Variants in DHX40 observed in about 807,000 individuals in gnomAD.
The protein encoded by DHX40 is DEAH-box helicase 40.
In DHX40, 28 loss-of-function variants were observed where a neutral mutation model predicts 89.6. The ratio of observed to expected loss-of-function variants is 0.31; its 90% CI spans 0.23 to 0.43. DHX40 has a LOEUF of 0.43. Among genes scored for constraint, DHX40 ranks in the 20% least tolerant of loss-of-function variants. The probability of loss-of-function intolerance (pLI) is 1.00; values close to 1 mark genes in which losing one functional copy is unlikely to be tolerated. For synonymous variants in DHX40, 226 were observed against 283.6 expected (o/e 0.80, Z 2.04); for missense variants, 457 against 844.0 (o/e 0.54, Z 5.68).
At chr17:59,588,995 A>C (rs1229447260) in intron 12 of DHX40, among the ~76,000 whole-genome samples, 2 of 152,068 alleles carry the variant, frequency 1.3e-5, no homozygotes, top group Non-Finnish European at 2.9e-5. Flanking sequence ...GACTATTCTT[A>C]TATGGGTCTG....
intron 10 of DHX40, among the ~76,000 whole-genome samples, chr17:59,581,709 A>T (rs1252329479): frequency 1.2e-5 from 1 of 81,072 alleles, no homozygotes; most frequent in Non-Finnish European, 2.2e-5. Flanking sequence ...CAGTGAGCCG[A>T]GATTGCGCCA....
intron 12 of DHX40, among the ~76,000 whole-genome samples, chr17:59,593,699 C>G (rs567420354): frequency 7.5e-6 from 1 of 134,012 alleles, no homozygotes; most frequent in East Asian, 2.2e-4. Flanking sequence ...GTCTCAAACT[C>G]CTGACCTCCT....
chr17:59,570,738 G>T, intron 3 of DHX40, 75 bp downstream of exon 3: 1 of 1,456,678 alleles, frequency 6.9e-7, no homozygotes, highest in Non-Finnish European at 9.2e-7. Flanking sequence ...AGCCTGGAGT[G>T]CGTGGCGCAA....
chr17:59,570,152 T>C (rs890783334), intron 2 of DHX40, among the ~76,000 whole-genome samples: 2 of 129,144 alleles, frequency 1.5e-5, no homozygotes, highest in Admixed American at 9.4e-5. Flanking sequence ...ATAAATTATA[T>C]AATACATATA....
chr17:59,587,165 A>C (rs550735109), intron 11 of DHX40, among the ~76,000 whole-genome samples: 1 of 151,922 alleles, frequency 6.6e-6, no homozygotes, highest in African/African-American at 2.4e-5. Flanking sequence ...CCAAAAAAAA[A>C]AAAACGGTAA....
At chr17:59,570,489 T>A in intron 2 of DHX40, 29 bp from the exon 3 acceptor site, 1 of 1,573,536 alleles carries the variant, frequency 6.4e-7, no homozygotes, top group African/African-American at 1.4e-5. Flanking sequence ...GCTAACATTG[T>A]TGTGTTTCTT....
intron 10 of DHX40, 34 bp from the exon 11 acceptor site, chr17:59,586,119 T>C: frequency 6.9e-7 from 1 of 1,439,756 alleles, no homozygotes; most frequent in Non-Finnish European, 9.5e-7. Flanking sequence ...GTTCAAGGAA[T>C]GCCTCTCACT....
At position 59,592,333 on chromosome 17, in the gene DHX40, C is replaced by T. The variant is rs554452074; in HGVS notation, c.1582+4280C>T. Among the ~76,000 whole-genome samples the T allele has an allele frequency of 3.1e-3, 470 of 151,450 alleles. 1 individual carries two copies. The highest frequency in any genetic ancestry group is 4.7e-3 in the Non-Finnish European group (317 of 67,822). ...ATAACTACAGTTTGATATTTGTTTA[C>T]AGTTAATTTTAGGTAAAATTTACAT... On this transcript the variant is annotated intron_variant, in intron 12 of 17. Transcript: ENST00000251241.
chr17:59,599,959 GA>G (rs2030379088), intron 14 of DHX40, among the ~76,000 whole-genome samples: 1 of 151,172 alleles, frequency 6.6e-6, no homozygotes, highest in African/African-American at 2.4e-5. Flanking sequence ...AAGTAGCTGG[GA>G]TTACAGGCTT....
chr17:59,595,081 G>T (rs1376255374), intron 12 of DHX40, among the ~76,000 whole-genome samples: 1 of 132,858 alleles, frequency 7.5e-6, no homozygotes, highest in African/African-American at 3.1e-5. Context: ...TAGATTTTTT[G>T]TTTTTTGTTT....
At chr17:59,580,953 G>A (rs568566141) in intron 10 of DHX40, among the ~76,000 whole-genome samples, 49 of 150,628 alleles carry the variant, frequency 3.3e-4, no homozygotes, top group South Asian at 1.5e-3. Context: ...TTGGTGGCAC[G>A]TGATTGTAGT....
chr17:59,574,217 G>A lies in DHX40; in HGVS notation c.804G>A (p.Leu268=). ...TGAAAGTCACCATGGATATCCATTT[G>A]AATGAAATGGCTGGAGACATCTTGG... ...AIVKVTMDIH[L]NEMAGDILVF... is the part of the protein sequence containing the mutation. The change falls in exon 6 of 18, where the codon TTG becomes TTA. Residue 268 remains leucine (L), a synonymous_variant. Transcript: ENST00000251241. 1 of 520,144 alleles carries A rather than the reference G, an allele frequency of 1.9e-6. No homozygotes were observed. Among genetic ancestry groups the A allele is most frequent in the Non-Finnish European group, 3.3e-6 (1 of 303,938 alleles). The allele number at this position is 520,144 out of a possible 1,614,324, so 32.2% of individuals were successfully genotyped here.
intron 17 of DHX40, among the ~76,000 whole-genome samples, chr17:59,606,362 G>T (rs1266729885): frequency 6.6e-6 from 1 of 152,180 alleles, no homozygotes. Flanking sequence ...GAATGATGAA[G>T]CATATTGTAT....
chr17:59,589,050 G>C (rs1334920639), intron 12 of DHX40, among the ~76,000 whole-genome samples: 4 of 151,930 alleles, frequency 2.6e-5, no homozygotes, highest in Non-Finnish European at 5.9e-5. Context: ...TTGTCTGTTT[G>C]TTCTTCCACC....
intron 12 of DHX40, among the ~76,000 whole-genome samples, chr17:59,597,278 G>C (rs2030148410): frequency 1.4e-5 from 1 of 72,768 alleles, no homozygotes; most frequent in South Asian, 5.5e-4. Context: ...ACTCGAAGGA[G>C]GGCATAAAAG....
chr17:59,598,223 T>C (rs1355754996), intron 12 of DHX40, among the ~76,000 whole-genome samples: 6 of 152,100 alleles, frequency 3.9e-5, no homozygotes, highest in Admixed American at 6.5e-5. Flanking sequence ...GGAGTTGTTA[T>C]TAAATAAACA....
Position 59,573,884 on chromosome 17 carries a change from C to A in DHX40, c.691C>A (p.Pro231Thr), listed in dbSNP as rs779351905. The part of the protein sequence containing the change: ...FFGNCPIFDI[P>T]GRLYPVREKF... The stretch of plus-strand genomic sequence containing the variant: ...TGGAAATTGTCCAATATTTGATATA[C>A]CTGGAAGGCTTTATCCAGTCAGAGA... The change falls in exon 5 of 18, where the codon CCT becomes ACT. Residue 231 changes from proline (P) to threonine (T), a missense_variant. Coordinates refer to ENST00000251241, the MANE Select transcript of DHX40 (RefSeq NM_024612.5). 6.2e-7 allele frequency: 1 copy of A among 1,610,588 alleles called. No homozygotes were observed. Among genetic ancestry groups the A allele is most frequent in the South Asian group, 1.1e-5 (1 of 90,878 alleles).
chr17:59,570,572 T>C lies in DHX40; in HGVS notation c.335T>C (p.Ile112Thr). 6.2e-7 allele frequency: 1 copy of C among 1,610,450 alleles called. No homozygotes were observed. The highest frequency in any genetic ancestry group is 8.5e-7 in the Non-Finnish European group (1 of 1,178,396). The change falls in exon 3 of 18, where the codon ATA becomes ACA. Residue 112 changes from isoleucine to threonine, a missense_variant. Around this residue, in one of 9 missense-constraint regions of DHX40, gnomAD observed 61 missense variants for 100.4 expected, o/e 0.61. Coordinates refer to ENST00000251241, the MANE Select transcript of DHX40 (RefSeq NM_024612.5). The part of the protein sequence containing the change: ...GVTQPRKVAA[I>T]SVAQRVAEEM... The stretch of plus-strand genomic sequence containing the variant: ...ACTCAACCACGAAAAGTAGCTGCTA[T>C]ATCAGTTGCTCAGAGAGTAGCTGAA...
chr17:59,568,230 AAAAAATAAAT>A, intron 2 of DHX40, among the ~76,000 whole-genome samples: 1 of 152,204 alleles, frequency 6.6e-6, no homozygotes, highest in Non-Finnish European at 1.5e-5. Flanking sequence ...TCTGTGTCAA[AAAAAATAAAT>A]AAAAATAAAA....
Sources: allele counts gnomAD v4.1 joint callset (sites outside exome capture counted in the v4.1 genomes callset), GRCh38; gene constraint gnomAD v4.1.1; regional missense constraint gnomAD v4.1.1; transcripts MANE v1.5; gene names NCBI Gene and HGNC (gene_info 2026-07-23, HGNC 2026-07-21).